The following INTS4 variants were observed in gnomAD, a reference collection of about 807,000 sequenced individuals.
The protein encoded by INTS4 is integrator complex subunit 4.
In INTS4, 70 loss-of-function variants were observed where a neutral mutation model predicts 119.5. The observed-to-expected ratio is 0.59, with a 90% CI of 0.48 to 0.71. The LOEUF is 0.71. INTS4 is among the 30% of genes least tolerant of loss of function. The pLI is 0.00. For missense variants in INTS4, 867 were observed against 1,173.2 expected, an observed-to-expected ratio of 0.74 and a Z score of 3.81; for synonymous variants, 316 against 419.6, an observed-to-expected ratio of 0.75 and a Z score of 3.02.
intron 1 of INTS4, among the ~76,000 whole-genome samples, chr11:77,993,313 C>T (rs1248923017): frequency 6.6e-6 from 1 of 152,234 alleles, no homozygotes; most frequent in Non-Finnish European, 1.5e-5. Flanking sequence ...AGAGACTAAG[C>T]TCTCGCTGAG....
chr11:77,925,598 G>T (rs899788162), intron 11 of INTS4, among the ~76,000 whole-genome samples: 14 of 152,212 alleles, frequency 9.2e-5, no homozygotes, highest in Non-Finnish European at 2.9e-5. Context: ...TCAAGAATGA[G>T]AAATATTAAA....
intron 21 of INTS4, among the ~76,000 whole-genome samples, chr11:77,889,590 G>C (rs905805621): frequency 1.3e-5 from 2 of 152,034 alleles, no homozygotes; most frequent in African/African-American, 4.8e-5. Flanking sequence ...AGTTCTGCAG[G>C]GTTTGCTTTA....
At chr11:77,876,963 A>G (rs1951613340), downstream of INTS4, 2 of 703,378 alleles carry the variant, frequency 2.8e-6, no homozygotes, top group Non-Finnish European at 2.6e-6. Context: ...CCAACCCAGC[A>G]GCTGCCATCA....
intron 18 of INTS4, among the ~76,000 whole-genome samples, chr11:77,897,625 C>T (rs973637314): frequency 1.8e-4 from 27 of 149,746 alleles, no homozygotes; most frequent in Admixed American, 9.9e-4. Context: ...CTCAGCCTCC[C>T]GAGTAGCTGG....
In INTS4 at chr11:77,891,368, T is replaced by A. The variant is rs529109168; in HGVS notation, c.2543A>T (p.Asp848Val). The A allele has an allele frequency of 7.4e-6, 12 of 1,611,484 alleles. No individual in the cohort carries two copies. The highest frequency in any genetic ancestry group is 2.5e-6 in the Non-Finnish European group (3 of 1,178,866). Residue 848 changes from aspartate (D) to valine (V), a missense_variant, in exon 21 of 23, where the codon GAT becomes GTT. Transcript: ENST00000534064. ...ATCCTGCACATGCTCCAGGGTTGCA[T>A]CAACATCCAGGGCAACCACCAACCC... ...TSGLVVALDV[D>V]ATLEHVQDPQ...
At chr11:77,967,383 C>T (rs2136605175) in intron 4 of INTS4, among the ~76,000 whole-genome samples, 1 of 152,210 alleles carries the variant, frequency 6.6e-6, no homozygotes, top group Non-Finnish European at 1.5e-5. Context: ...AGAGCCTTCA[C>T]TAGGAACTGA....
At chr11:77,958,416 A>G (rs1954384203) in intron 7 of INTS4, among the ~76,000 whole-genome samples, 6 of 152,228 alleles carry the variant, frequency 3.9e-5, no homozygotes, top group Admixed American at 3.9e-4. Flanking sequence ...GGCACAAGCC[A>G]AACTAAAATG....
intron 18 of INTS4, among the ~76,000 whole-genome samples, chr11:77,897,757 G>A (rs552715508): frequency 2.6e-4 from 39 of 151,826 alleles, no homozygotes; most frequent in South Asian, 6.3e-4. Flanking sequence ...CACCCGATTC[G>A]GCCTCCCAAA....
chr11:77,970,147 A>G (rs60124679), intron 4 of INTS4, among the ~76,000 whole-genome samples: 19,939 of 152,212 alleles, frequency 0.13, 1,495 homozygotes, highest in East Asian at 0.25. Flanking sequence ...CTGTAATCCC[A>G]GCACTTTGGG....
chr11:77,970,870 G>A (rs2136615377), intron 4 of INTS4, among the ~76,000 whole-genome samples: 1 of 152,224 alleles, frequency 6.6e-6, no homozygotes, highest in Non-Finnish European at 1.5e-5. Flanking sequence ...GGAATGCAAT[G>A]GGAAGATCTT....
At chr11:77,910,901 T>C (rs1021327967) in intron 15 of INTS4, 16 of 767,174 alleles carry the variant, frequency 2.1e-5, no homozygotes, top group East Asian at 1.3e-4. Flanking sequence ...TCAGCATTCA[T>C]AGAAAGCTGC....
intron 1 of INTS4, among the ~76,000 whole-genome samples, chr11:77,993,201 C>T (rs1398558906): frequency 3.3e-5 from 5 of 152,162 alleles, no homozygotes; most frequent in African/African-American, 9.7e-5. Context: ...CCATCAAGGA[C>T]CTCCGACTGG....
intron 4 of INTS4, among the ~76,000 whole-genome samples, chr11:77,970,648 C>T (rs536595737): frequency 1.1e-4 from 16 of 151,014 alleles, no homozygotes; most frequent in Non-Finnish European, 2.1e-4. Context: ...GGGTAACATG[C>T]CAAAACCCCA....
intron 18 of INTS4, among the ~76,000 whole-genome samples, chr11:77,899,585 G>A (rs1188276588): frequency 5.9e-5 from 9 of 151,864 alleles, no homozygotes; most frequent in African/African-American, 1.5e-4. Flanking sequence ...CAGGAGAATC[G>A]CTTGAACCCA....
In INTS4 at chr11:77,993,215, G is replaced by A. The variant is rs1250546776; in HGVS notation, c.54+1375C>T. Among the ~76,000 whole-genome samples the A allele has an allele frequency of 2.6e-5, 4 of 152,190 alleles. No individual in the cohort carries two copies. The East Asian group carries it at 7.7e-4, about 29-fold the overall frequency. ...GCCATCAAGGACCTCCGACTGGTGG[G>A]AAGATAGGTACACCGGTAATGACAG... is the stretch of plus-strand genomic sequence containing the variant. On this transcript the variant is annotated intron_variant, in intron 1 of 22. Coordinates refer to ENST00000534064, the MANE Select transcript of INTS4 (RefSeq NM_033547.4).
chr11:77,901,099 A>G (rs1952763865), intron 18 of INTS4, among the ~76,000 whole-genome samples: 1 of 152,226 alleles, frequency 6.6e-6, no homozygotes, highest in Non-Finnish European at 1.5e-5. Context: ...GGTCCCTGGC[A>G]CTAAATTCTT....
intron 10 of INTS4, among the ~76,000 whole-genome samples, chr11:77,933,478 G>C (rs1260926887): frequency 6.6e-6 from 1 of 152,150 alleles, no homozygotes; most frequent in Non-Finnish European, 1.5e-5. Flanking sequence ...TGCCAGCCTC[G>C]GCCTCCTGAG....
At chr11:77,940,107 C>G (rs1953894044) in intron 9 of INTS4, among the ~76,000 whole-genome samples, 1 of 152,106 alleles carries the variant, frequency 6.6e-6, no homozygotes, top group Non-Finnish European at 1.5e-5. Context: ...AGTGAACCAT[C>G]ACAATCAAAG....
At chr11:77,951,385 CA>C (rs1954191790) in intron 8 of INTS4, among the ~76,000 whole-genome samples, 1 of 152,086 alleles carries the variant, frequency 6.6e-6, no homozygotes, top group African/African-American at 2.4e-5. Flanking sequence ...TGATCTTTGA[CA>C]AATCTGACAA....
Sources: allele counts gnomAD v4.1 joint callset (sites outside exome capture counted in the v4.1 genomes callset), GRCh38; gene constraint gnomAD v4.1.1; transcripts MANE v1.5; gene names NCBI Gene and HGNC (gene_info 2026-07-23, HGNC 2026-07-21).